PPM1H: variants seen among roughly 807,000 people sequenced by gnomAD.
The protein encoded by PPM1H is protein phosphatase, Mg2+/Mn2+ dependent 1H, also known as protein phosphatase 1H.
PPM1H carries 27 observed loss-of-function variants against 54.9 expected under a neutral mutation model. The observed-to-expected ratio is 0.49, with a 90% confidence interval of 0.36 to 0.68. The LOEUF is 0.68. Ranked by LOEUF, PPM1H falls within the 30% of genes least tolerant of loss-of-function variation. PPM1H has a pLI of 0.00. For synonymous variants in PPM1H, 305 were observed against 270.8 expected (o/e 1.13, Z -1.24); for missense variants, 596 against 667.8 (o/e 0.89, Z 1.19).
intron 4 of PPM1H, among the ~76,000 whole-genome samples, chr12:62,769,785 AGT>A (rs1294869899): frequency 6.6e-6 from 1 of 151,330 alleles, no homozygotes; most frequent in East Asian, 1.9e-4. Flanking sequence ...TCACAGAAAC[AGT>A]CTGTGATCGG....
intron 8 of PPM1H, among the ~76,000 whole-genome samples, chr12:62,668,078 C>T (rs1021420878): frequency 6.6e-6 from 1 of 152,112 alleles, no homozygotes; most frequent in African/African-American, 2.4e-5. Context: ...TGTCTAGTAC[C>T]TTAAATGACT....
At chr12:62,921,128 T>C (rs971368737) in intron 1 of PPM1H, among the ~76,000 whole-genome samples, 1 of 152,082 alleles carries the variant, frequency 6.6e-6, no homozygotes, top group Non-Finnish European at 1.5e-5. Flanking sequence ...TTTTGCCATG[T>C]TGGCCAGGCT....
intron 1 of PPM1H, among the ~76,000 whole-genome samples, chr12:62,909,983 C>T (rs1871407115): frequency 6.6e-6 from 1 of 152,060 alleles, no homozygotes; most frequent in African/African-American, 2.4e-5. Context: ...ACATTAATTG[C>T]AGAGAGGTGG....
intron 9 of PPM1H, among the ~76,000 whole-genome samples, chr12:62,663,183 T>C (rs1375805510): frequency 6.6e-6 from 1 of 152,148 alleles, no homozygotes; most frequent in Non-Finnish European, 1.5e-5. Flanking sequence ...TCTTCTTGCA[T>C]GAACGACGAT....
chr12:62,721,784 C>T (rs1485508397), intron 5 of PPM1H, among the ~76,000 whole-genome samples: 2 of 152,108 alleles, frequency 1.3e-5, no homozygotes, highest in Non-Finnish European at 2.9e-5. Flanking sequence ...TTATATATCC[C>T]ACACTGCTGT....
chr12:62,779,524 T>G (rs752554553), intron 4 of PPM1H, among the ~76,000 whole-genome samples: 1 of 152,254 alleles, frequency 6.6e-6, no homozygotes, highest in Non-Finnish European at 1.5e-5. Flanking sequence ...AGCTAACTAT[T>G]ACTGAGCAGT....
chr12:62,704,961 A>G (rs2076164935), intron 6 of PPM1H, among the ~76,000 whole-genome samples: 1 of 152,164 alleles, frequency 6.6e-6, no homozygotes, highest in South Asian at 2.1e-4. Context: ...CTTTTGGCCT[A>G]AAGATTCTTC....
At chr12:62,860,234 G>T (rs1185304076) in intron 1 of PPM1H, among the ~76,000 whole-genome samples, 1 of 152,104 alleles carries the variant, frequency 6.6e-6, no homozygotes, top group Non-Finnish European at 1.5e-5. Context: ...GATCTCGTGA[G>T]AACTCACTAT....
In PPM1H at chr12:62,933,638, G is replaced by A. The variant is rs139464006; in HGVS notation, c.245+854C>T. Reference sequence around the variant, plus strand: ...TGAGGTAGTAGATAGAAGGGAAAACGTTACTTATCTTACCATTCATAAGAT... The same window carrying A: ...TGAGGTAGTAGATAGAAGGGAAAACATTACTTATCTTACCATTCATAAGAT... On this transcript the variant is annotated intron_variant, in intron 1 of 9. Transcript: ENST00000228705. 2.9e-3 allele frequency among the ~76,000 whole-genome samples: 442 copies of A among 152,264 alleles called. 3 individuals are homozygous for A. Among genetic ancestry groups the A allele is most frequent in the African/African-American group, 9.8e-3 (406 of 41,538 alleles).
chr12:62,915,159 T>G (rs1054678045), intron 1 of PPM1H, among the ~76,000 whole-genome samples: 2 of 152,242 alleles, frequency 1.3e-5, no homozygotes, highest in Admixed American at 6.5e-5. Context: ...GCAGTTTTTG[T>G]TTTTTGTTGT....
In PPM1H at chr12:62,841,291, A is replaced by G. The variant is rs924356398; in HGVS notation, c.246-9012T>C. Among the ~76,000 whole-genome samples the G allele has an allele frequency of 3.7e-4, 56 of 152,178 alleles. 1 individual carries two copies. Among genetic ancestry groups the G allele is most frequent in the Non-Finnish European group, 7.4e-5 (5 of 68,020 alleles). The stretch of plus-strand genomic sequence containing the variant: ...TATTGCCCATGGGCCAAAGCTGGAC[A>G]CTGCTTGTTTTTACACAGCCTGCAA... On this transcript the variant is annotated intron_variant, in intron 1 of 9. Transcript: ENST00000228705.
intron 1 of PPM1H, among the ~76,000 whole-genome samples, chr12:62,833,672 G>C (rs1022104203): frequency 6.6e-6 from 1 of 152,144 alleles, no homozygotes; most frequent in African/African-American, 2.4e-5. Context: ...AGATGTAAGC[G>C]AGCGTGTTTC....
At chr12:62,735,933 A>G (rs7312352) in intron 5 of PPM1H, among the ~76,000 whole-genome samples, 27,150 of 152,164 alleles carry the variant, frequency 0.18, 3,403 homozygotes, top group African/African-American at 0.36. Flanking sequence ...TGGCTGGAGC[A>G]TGGGATGCCT....
At chr12:62,797,606 C>CA (rs2076742116) in intron 3 of PPM1H, among the ~76,000 whole-genome samples, 1 of 151,888 alleles carries the variant, frequency 6.6e-6, no homozygotes, top group African/African-American at 2.4e-5. Flanking sequence ...GTGGGCATTT[C>CA]AAAAAACCAA....
intron 2 of PPM1H, among the ~76,000 whole-genome samples, chr12:62,816,880 A>G (rs2120795379): frequency 6.6e-6 from 1 of 151,968 alleles, no homozygotes; most frequent in East Asian, 1.9e-4. Context: ...TGCACCTTAC[A>G]TTTTGCCACA....
chr12:62,702,458 A>T (rs995006842), intron 6 of PPM1H, among the ~76,000 whole-genome samples: 2 of 151,934 alleles, frequency 1.3e-5, no homozygotes, highest in Non-Finnish European at 2.9e-5. Context: ...CCCATGGGCC[A>T]GGAACCTAGA....
chr12:62,891,304 C>A (rs1471742017), intron 1 of PPM1H, among the ~76,000 whole-genome samples: 1 of 152,074 alleles, frequency 6.6e-6, no homozygotes, highest in Non-Finnish European at 1.5e-5. Flanking sequence ...GTGCCTGGTA[C>A]ATTTATCCAG....
At chr12:62,684,126 A>C (rs34381145) in intron 8 of PPM1H, among the ~76,000 whole-genome samples, 26,256 of 152,156 alleles carry the variant, frequency 0.17, 3,127 homozygotes, top group African/African-American at 0.34. Context: ...GGCTGGGAAC[A>C]TTTTCCTTAT....
At chr12:62,916,031 A>C (rs1243344697) in intron 1 of PPM1H, among the ~76,000 whole-genome samples, 1 of 152,066 alleles carries the variant, frequency 6.6e-6, no homozygotes, top group Non-Finnish European at 1.5e-5. Flanking sequence ...GCCTGTGCCC[A>C]TTTGCTGGGT....
Sources: gnomAD v4.1 joint callset for allele counts (sites outside exome capture counted in the v4.1 genomes callset) on GRCh38, gnomAD v4.1.1 for gene constraint, MANE v1.5 for transcripts, NCBI Gene and HGNC (gene_info 2026-07-23, HGNC 2026-07-21) for gene names.